The following CD99 variants were observed in gnomAD, a reference collection of about 807,000 sequenced individuals.
CD99 encodes the protein CD99 molecule (Xg blood group).
CD99 carries 19 observed loss-of-function variants against 28.4 expected under a neutral mutation model. That is an observed-to-expected ratio of 0.67 (90% CI 0.47 to 0.98). The LOEUF is 0.98. Among genes scored for constraint, CD99 ranks in the 50% least tolerant of loss-of-function variants. The probability of loss-of-function intolerance (pLI) is 0.00; values close to 1 mark genes in which losing one functional copy is unlikely to be tolerated. For synonymous variants in CD99, 103 were observed against 92.1 expected (o/e 1.12, Z -0.67); for missense variants, 283 against 248.8 (o/e 1.14, Z -0.92).
chrX:2,697,754 C>G (rs1336547958), intron 1 of CD99, among the ~76,000 whole-genome samples: 1 of 152,058 alleles, frequency 6.6e-6, no homozygotes, highest in Admixed American at 6.6e-5. Flanking sequence ...CTGTTGCTAG[C>G]TGTCTTCTTC....
Position 2,740,774 on chromosome X carries a change from C to T in CD99, c.533-5C>T, listed in dbSNP as rs1475341954. 1 of 1,613,890 alleles carries T rather than the reference C, an allele frequency of 6.2e-7. No homozygotes were observed. The highest frequency in any genetic ancestry group is 1.1e-5 in the South Asian group (1 of 91,072). On this transcript the variant is annotated splice_polypyrimidine_tract_variant and splice_region_variant and intron_variant, in intron 9 of 9. Coordinates refer to ENST00000381192, the MANE Select transcript of CD99 (RefSeq NM_002414.5). ...ATGACTTTCTTTTGTCTCTGTCTCC[C>T]ACAGTTCAGCGTACTCTTTTAGAGA... is the stretch of plus-strand genomic sequence containing the variant.
At chrX:2,695,596 G>T (rs2047534591) in intron 1 of CD99, among the ~76,000 whole-genome samples, 4 of 151,066 alleles carry the variant, frequency 2.6e-5, no homozygotes, top group Admixed American at 2.6e-4. Context: ...TTTTTTTGTA[G>T]AGACAGGGTC....
chrX:2,739,741 A>C (rs1412579863), intron 9 of CD99, among the ~76,000 whole-genome samples: 1 of 150,158 alleles, frequency 6.7e-6, no homozygotes, highest in East Asian at 2.1e-4. Flanking sequence ...GGCATGAGCC[A>C]CCGTGCCTGG....
intron 1 of CD99, among the ~76,000 whole-genome samples, chrX:2,699,358 C>T (rs112799502): frequency 5.3e-5 from 8 of 151,642 alleles, no homozygotes; most frequent in African/African-American, 1.7e-4. Flanking sequence ...TTAGTAGAGA[C>T]GGGATTTCAC....
chrX:2,706,868 T>C (rs948962315), intron 1 of CD99, among the ~76,000 whole-genome samples: 2 of 151,960 alleles, frequency 1.3e-5, no homozygotes, highest in Non-Finnish European at 2.9e-5. Context: ...TCGCCCAGGC[T>C]GGAGTGCAGT....
intron 3 of CD99, 82 bp from the exon 4 acceptor site, chrX:2,719,579 G>A (rs1273882091): frequency 9.2e-7 from 1 of 1,084,420 alleles, no homozygotes. Context: ...GGGCCGTGGT[G>A]TGTTTTTGAT....
At chrX:2,729,619 C>G (rs946334838) in intron 8 of CD99, among the ~76,000 whole-genome samples, 1 of 152,128 alleles carries the variant, frequency 6.6e-6, no homozygotes, top group African/African-American at 2.4e-5. Context: ...CATATCACAT[C>G]TGAAGACACA....
chrX:2,737,807 T>C (rs2050021027), intron 8 of CD99: 4 of 359,626 alleles, frequency 1.1e-5, no homozygotes, highest in Non-Finnish European at 2.2e-5. Flanking sequence ...TCTGCATTTG[T>C]TTGATGAGTT....
intron 1 of CD99, among the ~76,000 whole-genome samples, chrX:2,706,085 C>A (rs759554973): frequency 6.7e-6 from 1 of 148,674 alleles, no homozygotes; most frequent in Non-Finnish European, 1.5e-5. Context: ...AAGAGCCGGG[C>A]GCGGTGGCTC....
chrX:2,717,048 G>A (rs311075), intron 2 of CD99, among the ~76,000 whole-genome samples: 9,128 of 152,056 alleles, frequency 0.06, 949 homozygotes, highest in African/African-American at 0.21. Context: ...CCCATTCAAC[G>A]TCAAGAAGTG....
chrX:2,711,412 TTA>T (rs755577680), intron 1 of CD99, among the ~76,000 whole-genome samples: 1,903 of 86,350 alleles, frequency 0.022, 18 homozygotes, highest in Non-Finnish European at 0.034. Flanking sequence ...TGTGTGTGTA[TTA>T]TATATATATA....
chrX:2,728,200 C>CTTT (rs892410632), intron 8 of CD99, among the ~76,000 whole-genome samples: 92 of 106,952 alleles, frequency 8.6e-4, no homozygotes, highest in African/African-American at 1.3e-3. Flanking sequence ...TTGGTTGTTT[C>CTTT]TTTTTTTTTT....
At chrX:2,705,901 T>G (rs2048090097) in intron 1 of CD99, among the ~76,000 whole-genome samples, 1 of 152,100 alleles carries the variant, frequency 6.6e-6, no homozygotes, top group African/African-American at 2.4e-5. Context: ...ACAGGAGGAC[T>G]TCCGGTGCTT....
chrX:2,726,824 A>G (rs961161957), intron 8 of CD99, among the ~76,000 whole-genome samples: 7 of 139,732 alleles, frequency 5.0e-5, no homozygotes, highest in Non-Finnish European at 8.9e-5. Context: ...TCCTTTCTCC[A>G]CTGAGAGTTA....
chrX:2,733,010 A>G (rs1475589879), intron 8 of CD99, among the ~76,000 whole-genome samples: 9 of 120,964 alleles, frequency 7.4e-5, no homozygotes, highest in African/African-American at 2.6e-4. Context: ...CCCTTCCTCC[A>G]TACCTCCCTG....
intron 5 of CD99, among the ~76,000 whole-genome samples, chrX:2,722,139 AAAAC>A (rs200885620): frequency 0.016 from 2,451 of 152,154 alleles, 27 homozygotes; most frequent in South Asian, 0.038. Flanking sequence ...TTAAAAAAAA[AAAAC>A]AAACCTGCAT....
intron 1 of CD99, among the ~76,000 whole-genome samples, chrX:2,694,520 G>A (rs1603255725): frequency 7.7e-5 from 1 of 12,950 alleles, no homozygotes; most frequent in African/African-American, 3.7e-4. Context: ...GAGAGGCCGA[G>A]GGCCGGTGGG....
intron 8 of CD99, among the ~76,000 whole-genome samples, chrX:2,736,975 C>T (rs2049976732): frequency 6.6e-6 from 1 of 151,888 alleles, no homozygotes; most frequent in Non-Finnish European, 1.5e-5. Context: ...CCTTGGCTGT[C>T]TTGTCCTTTG....
chrX:2,722,139 A>C lies in CD99; in HGVS notation c.263-488A>C, dbSNP rs746436091. On this transcript the variant is annotated intron_variant, in intron 5 of 9. Coordinates refer to ENST00000381192, the MANE Select transcript of CD99 (RefSeq NM_002414.5). ...ACTTTACTTTTAAAATTAAAAAAAAAAAACAAACCTGCATCAATTGGCCGT... is the reference window on the plus strand; with the variant it reads ...ACTTTACTTTTAAAATTAAAAAAAACAAACAAACCTGCATCAATTGGCCGT... Among the ~76,000 whole-genome samples, 15 of 152,174 alleles carry C rather than the reference A, an allele frequency of 9.9e-5. No homozygotes were observed. In the South Asian group the frequency reaches 2.7e-3, roughly 27 times the overall value.
Sources: gnomAD v4.1 joint callset for allele counts (sites outside exome capture counted in the v4.1 genomes callset) on GRCh38, gnomAD v4.1.1 for gene constraint, MANE v1.5 for transcripts, NCBI Gene and HGNC (gene_info 2026-07-23, HGNC 2026-07-21) for gene names.